Variants in CALCR observed in about 807,000 individuals in gnomAD.
The protein encoded by CALCR is calcitonin receptor.
In CALCR, 47 loss-of-function variants were observed where a neutral mutation model predicts 59.5. The ratio of observed to expected loss-of-function variants is 0.79; its 90% confidence interval spans 0.63 to 1.01. CALCR has a LOEUF of 1.01. Among genes scored for constraint, CALCR ranks in the 50% least tolerant of loss-of-function variants. The pLI is 0.00. For missense variants in CALCR, 566 were observed against 597.1 expected, an observed-to-expected ratio of 0.95 and a Z score of 0.54; for synonymous variants, 213 against 211.3, an observed-to-expected ratio of 1.01 and a Z score of -0.07.
intron 2 of CALCR, among the ~76,000 whole-genome samples, chr7:93,544,120 G>GT (rs1789219933): frequency 6.6e-6 from 1 of 151,672 alleles, no homozygotes; most frequent in South Asian, 2.1e-4. Flanking sequence ...TTAAGAGATA[G>GT]TAACTTTTAA....
chr7:93,464,019 G>T (rs1025636504), intron 7 of CALCR, among the ~76,000 whole-genome samples: 1 of 152,012 alleles, frequency 6.6e-6, no homozygotes, highest in African/African-American at 2.4e-5. Flanking sequence ...ATGTGAGAAA[G>T]AGATAATGAT....
intron 5 of CALCR, among the ~76,000 whole-genome samples, chr7:93,476,362 T>C (rs1027274392): frequency 5.3e-5 from 8 of 151,898 alleles, no homozygotes; most frequent in Non-Finnish European, 1.0e-4. Flanking sequence ...CATTAATGTG[T>C]TTTGTACATC....
chr7:93,548,977 G>T (rs1328412561), intron 2 of CALCR, among the ~76,000 whole-genome samples: 1 of 151,644 alleles, frequency 6.6e-6, no homozygotes, highest in Non-Finnish European at 1.5e-5. Context: ...GTAATGCTGT[G>T]ATTATAAAAA....
intron 2 of CALCR, among the ~76,000 whole-genome samples, chr7:93,568,509 T>TTCTCTCTCTCTCTCTTTCTCTCTCTCTC (rs1789919405): frequency 9.8e-6 from 1 of 102,384 alleles, no homozygotes; most frequent in Non-Finnish European, 1.9e-5. Context: ...TAAAATTACT[T>TTCTCTCTCTCTCTCTTTCTCTCTCTCTC]TCTCTCTCTC....
chr7:93,470,360 C>A (rs1035142549), intron 6 of CALCR, among the ~76,000 whole-genome samples: 1 of 151,508 alleles, frequency 6.6e-6, no homozygotes, highest in African/African-American at 2.4e-5. Context: ...TCAGGAGGAG[C>A]ATTTTCTAAA....
At chr7:93,526,937 A>G (rs1238858066) in intron 2 of CALCR, among the ~76,000 whole-genome samples, 2 of 152,104 alleles carry the variant, frequency 1.3e-5, no homozygotes, top group Admixed American at 1.3e-4. Context: ...TAGTTATAAC[A>G]TAATATAAAG....
At chr7:93,428,913 T>C (rs1417509926) in intron 13 of CALCR, among the ~76,000 whole-genome samples, 1 of 152,224 alleles carries the variant, frequency 6.6e-6, no homozygotes, top group East Asian at 1.9e-4. Context: ...AGTTATGAGT[T>C]TAGAGTTAGT....
At chr7:93,476,094 T>C (rs1041910117) in intron 5 of CALCR, among the ~76,000 whole-genome samples, 4 of 151,742 alleles carry the variant, frequency 2.6e-5, no homozygotes, top group Admixed American at 2.6e-4. Context: ...ATTTTTTTTT[T>C]CATTTTGTGA....
At position 93,434,287 on chromosome 7, in the gene CALCR, A is replaced by G; in HGVS notation, c.1157T>C (p.Phe386Ser). Residue 386 changes from phenylalanine to serine, a missense_variant, in exon 13 of 14, where the codon TTT (phenylalanine) becomes TCT (serine). Coordinates refer to ENST00000426151, the MANE Select transcript of CALCR (RefSeq NM_001742.4). ...MHSLIHFQGFFVATIYCFCNN... is the reference protein window; with the variant it reads ...MHSLIHFQGFSVATIYCFCNN... ...GCAGAAGCAGTAGATGGTCGCAACA[A>G]AGAAGCCCTAAAAAGGGAAGGAAAA... 1 of 1,609,972 alleles carries G rather than the reference A, an allele frequency of 6.2e-7. No homozygotes were observed. Among genetic ancestry groups the G allele is most frequent in the Non-Finnish European group, 8.5e-7 (1 of 1,176,308 alleles).
intron 5 of CALCR, among the ~76,000 whole-genome samples, chr7:93,473,693 T>C (rs1328717965): frequency 2.0e-5 from 3 of 150,110 alleles, no homozygotes; most frequent in Non-Finnish European, 4.4e-5. Context: ...GGCTGCCCAC[T>C]GAGCTTAAGA....
At chr7:93,517,178 T>A (rs954107273) in intron 2 of CALCR, among the ~76,000 whole-genome samples, 1 of 151,740 alleles carries the variant, frequency 6.6e-6, no homozygotes, top group African/African-American at 2.4e-5. Context: ...CTGTTTTTAC[T>A]ACCCAATACC....
At chr7:93,466,315 T>G (rs1160143469) in intron 7 of CALCR, among the ~76,000 whole-genome samples, 1 of 151,864 alleles carries the variant, frequency 6.6e-6, no homozygotes, top group African/African-American at 2.4e-5. Context: ...ATTTGCTAAT[T>G]CACAAATAAA....
At position 93,460,591 on chromosome 7, in the gene CALCR, ATG is replaced by A. The variant is rs1426096333; in HGVS notation, c.648+228_648+229del. On this transcript the variant is annotated intron_variant, in intron 8 of 13. Transcript: ENST00000426151. Reference sequence around the variant, plus strand: ...AAAAAAAATATATATATATATATATATGTATATATATATATATATATGGTTTG... The same window carrying A: ...AAAAAAAATATATATATATATATATATATATATATATATATATATGGTTTG... Among the ~76,000 whole-genome samples the A allele has an allele frequency of 3.1e-4, 36 of 115,598 alleles. 2 individuals carry two copies. The highest frequency in any genetic ancestry group is 1.4e-3 in the African/African-American group (35 of 25,678). The allele number at this position is 115,598 out of a possible 152,430, so 75.8% of individuals were successfully genotyped here. A position where few individuals can be genotyped will look rare whatever the true frequency, so the allele number is the denominator to read the frequency against.
chr7:93,486,356 G>A (rs528271246), intron 3 of CALCR, among the ~76,000 whole-genome samples: 1 of 151,678 alleles, frequency 6.6e-6, no homozygotes, highest in Admixed American at 6.6e-5. Flanking sequence ...AAACAATATA[G>A]AATTACACAA....
At chr7:93,555,444 A>G (rs1170220451) in intron 2 of CALCR, among the ~76,000 whole-genome samples, 1 of 152,138 alleles carries the variant, frequency 6.6e-6, no homozygotes, top group East Asian at 1.9e-4. Flanking sequence ...CATCTGGAAT[A>G]GACAGGAAAG....
At chr7:93,505,324 C>T (rs888689445) in intron 2 of CALCR, among the ~76,000 whole-genome samples, 1 of 152,110 alleles carries the variant, frequency 6.6e-6, no homozygotes, top group African/African-American at 2.4e-5. Context: ...TGAAAATAGT[C>T]GTACTTTAAC....
chr7:93,452,022 G>T (rs1800119257), intron 8 of CALCR, among the ~76,000 whole-genome samples: 2 of 152,078 alleles, frequency 1.3e-5, no homozygotes, highest in South Asian at 4.1e-4. Context: ...ACTACTAGAG[G>T]CAAGAGGGAG....
At position 93,484,091 on chromosome 7, in the gene CALCR, A is replaced by G. The variant is rs1341721345; in HGVS notation, c.51+2840T>C. The G allele has an allele frequency of 1.3e-5, 6 of 452,404 alleles. No homozygotes were observed. The East Asian group carries it at 1.8e-4, about 14-fold the overall frequency. 28.0% of individuals were successfully genotyped at this position (452,404 alleles called of 1,614,324 possible). On this transcript the variant is annotated intron_variant, in intron 3 of 13. Coordinates refer to ENST00000426151, the MANE Select transcript of CALCR (RefSeq NM_001742.4). ...GACAAATACTTTGAGTGCCTCTCAC[A>G]TGTCAGGCACTCTTCTAGGTTCTGG...
intron 2 of CALCR, among the ~76,000 whole-genome samples, chr7:93,537,727 C>T (rs10275716): frequency 0.014 from 2,166 of 151,668 alleles, 41 homozygotes; most frequent in African/African-American, 0.05. Flanking sequence ...CACACACACA[C>T]ACATACATAC....
Sources: gnomAD v4.1 joint callset for allele counts (sites outside exome capture counted in the v4.1 genomes callset) on GRCh38, gnomAD v4.1.1 for gene constraint, MANE v1.5 for transcripts, NCBI Gene and HGNC (gene_info 2026-07-23, HGNC 2026-07-21) for gene names.